The following SH3RF1 variants were observed in gnomAD, a reference collection of about 807,000 sequenced individuals.
The protein encoded by SH3RF1 is SH3 domain containing ring finger 1, also known as E3 ubiquitin-protein ligase SH3RF1.
Under a neutral mutation model 74.0 loss-of-function variants are expected in SH3RF1, and 32 were observed. That is an observed-to-expected ratio of 0.43 (90% CI 0.33 to 0.58). The LOEUF (loss-of-function observed/expected upper bound fraction) is 0.58. Ranked by LOEUF, SH3RF1 falls within the 20% of genes least tolerant of loss-of-function variation. The pLI, the probability that SH3RF1 is intolerant of heterozygous loss-of-function variation, is 0.05. For synonymous variants in SH3RF1, 396 were observed against 439.6 expected (o/e 0.90, Z 1.24); for missense variants, 954 against 1,130.9 (o/e 0.84, Z 2.24).
At chr4:169,190,880 A>G (rs1734693754) in intron 2 of SH3RF1, among the ~76,000 whole-genome samples, 1 of 152,262 alleles carries the variant, frequency 6.6e-6, no homozygotes, top group South Asian at 2.1e-4. Context: ...CACCATGATC[A>G]AGTGGGTTTC....
At position 169,269,063 on chromosome 4, in the gene SH3RF1, G is replaced by A. The variant is rs1449250352; in HGVS notation, c.150C>T (p.Pro50=). Residue 50 remains proline, a synonymous_variant, in exon 2 of 12, where the codon CCC becomes CCT. Coordinates refer to ENST00000284637, the MANE Select transcript of SH3RF1 (RefSeq NM_020870.4). ...CCGAGCCAACAAGAGTCCTGCACTC[G>A]GGACATCTGAGTTCATTTCGAGAAC... ...IVGSRNELRC[P]ECRTLVGSGV... The A allele has an allele frequency of 1.2e-6, 2 of 1,614,000 alleles. No individual in the cohort carries two copies. Among genetic ancestry groups the A allele is most frequent in the South Asian group, 1.1e-5 (1 of 91,084 alleles).
At chr4:169,230,887 C>T (rs1253484108) in intron 2 of SH3RF1, among the ~76,000 whole-genome samples, 1 of 151,786 alleles carries the variant, frequency 6.6e-6, no homozygotes, top group African/African-American at 2.4e-5. Flanking sequence ...TTACTGAGTC[C>T]CCCTCTAAAA....
chr4:169,174,023 T>C (rs1156696654), intron 2 of SH3RF1, among the ~76,000 whole-genome samples: 1 of 147,160 alleles, frequency 6.8e-6, no homozygotes, highest in Non-Finnish European at 1.5e-5. Flanking sequence ...ATATGGTGAC[T>C]GAATTCATAC....
chr4:169,143,214 AT>A (rs1733814618), intron 4 of SH3RF1, among the ~76,000 whole-genome samples: 1 of 152,226 alleles, frequency 6.6e-6, no homozygotes, highest in Admixed American at 6.5e-5. Flanking sequence ...TGGTAGCCAC[AT>A]TTTAAAAGAC....
chr4:169,236,363 A>T (rs1428203134), intron 2 of SH3RF1, among the ~76,000 whole-genome samples: 1 of 152,088 alleles, frequency 6.6e-6, no homozygotes, highest in Non-Finnish European at 1.5e-5. Context: ...TCTCTGAGTG[A>T]CTCTAATGAC....
intron 4 of SH3RF1, among the ~76,000 whole-genome samples, chr4:169,141,440 A>G (rs1733785295): frequency 1.3e-5 from 2 of 152,326 alleles, no homozygotes; most frequent in East Asian, 3.9e-4. Flanking sequence ...AACTCCTAAA[A>G]GTAGAATTTG....
intron 4 of SH3RF1, among the ~76,000 whole-genome samples, chr4:169,146,583 C>T (rs1733898985): frequency 6.6e-6 from 1 of 151,946 alleles, no homozygotes; most frequent in Admixed American, 6.6e-5. Context: ...GACAAAATGA[C>T]AAAAACAAGA....
chr4:169,201,913 G>C (rs548075858), intron 2 of SH3RF1: 1 of 152,232 alleles, frequency 6.6e-6, no homozygotes, highest in East Asian at 1.9e-4. Flanking sequence ...AAACTGCAAG[G>C]ACCTGTACCA....
In SH3RF1 at chr4:169,156,589, T is replaced by C. The variant is rs759126393; in HGVS notation, c.484A>G (p.Ile162Val). 12 of 1,614,074 alleles carry C rather than the reference T, an allele frequency of 7.4e-6. No individual in the cohort carries two copies. Among genetic ancestry groups the C allele is most frequent in the Middle Eastern group, 1.6e-4 (1 of 6,062 alleles). ...TTTTCATCCACTTGTCTTCGCAAAATGATGATGTCACCTTTGCTGAATTTA... is the reference window on the plus strand; with the variant it reads ...TTTTCATCCACTTGTCTTCGCAAAACGATGATGTCACCTTTGCTGAATTTA... ...DLKFSKGDIIILRRQVDENWY... is the reference protein window; with the variant it reads ...DLKFSKGDIIVLRRQVDENWY... The change falls in exon 3 of 12, where the codon ATT (isoleucine) becomes GTT (valine). Residue 162 changes from isoleucine (I) to valine (V), a missense_variant. Coordinates refer to ENST00000284637, the MANE Select transcript of SH3RF1 (RefSeq NM_020870.4).
In SH3RF1 at chr4:169,096,644, G is replaced by C. The variant is rs376565444; in HGVS notation, c.2542C>G (p.Leu848Val). Residue 848 changes from leucine to valine, a missense_variant, in exon 12 of 12, where the codon CTT (leucine) becomes GTT (valine). Physicochemically the swap from Leu to Val is conservative, Grantham distance 32. Coordinates refer to ENST00000284637, the MANE Select transcript of SH3RF1 (RefSeq NM_020870.4). ...ACAATATCTCCTTCTTTAAGTTCAA[G>C]TTCTGCCTCACTCTGAGGAGGATAG... ...VSYPPQSEAELELKEGDIVFV... is the reference protein window; with the variant it reads ...VSYPPQSEAEVELKEGDIVFV... 5 of 1,613,980 alleles carry C rather than the reference G, an allele frequency of 3.1e-6. No homozygotes were observed. In the African/African-American group the frequency reaches 5.3e-5, roughly 17 times the overall value.
At position 169,094,670 on chromosome 4, in the gene SH3RF1, C is replaced by T. The variant is rs1026218069; in HGVS notation, c.*1849G>A. On this transcript the variant is annotated 3_prime_UTR_variant, in exon 12 of 12. Transcript: ENST00000284637. Reference sequence around the variant, plus strand: ...TTACACAGATGAAAGCTGATGCCAGCTTTTTCCTAACTAAAGTTCATTTCA... The same window carrying T: ...TTACACAGATGAAAGCTGATGCCAGTTTTTTCCTAACTAAAGTTCATTTCA... The T allele has an allele frequency of 6.6e-6, 1 of 152,094 alleles. No homozygotes were observed. The highest frequency in any genetic ancestry group is 2.1e-4 in the South Asian group (1 of 4,832). The allele number at this position is 152,094 out of a possible 1,614,324, so 9.4% of individuals were successfully genotyped here. A position where few individuals can be genotyped will look rare whatever the true frequency, so the allele number is the denominator to read the frequency against.
intron 10 of SH3RF1, among the ~76,000 whole-genome samples, chr4:169,109,962 T>C (rs112043424): frequency 2.0e-5 from 3 of 149,002 alleles, no homozygotes; most frequent in African/African-American, 7.5e-5. Flanking sequence ...CAGTGAGCTA[T>C]GACCATGCCA....
chr4:169,136,690 C>T, intron 4 of SH3RF1, 70 bp from the exon 5 acceptor site: 7 of 1,430,422 alleles, frequency 4.9e-6, no homozygotes, highest in Non-Finnish European at 6.5e-6. Flanking sequence ...AGGTTTATTT[C>T]CAACATGATT....
At chr4:169,254,448 A>T (rs182050679) in intron 2 of SH3RF1, among the ~76,000 whole-genome samples, 1 of 152,362 alleles carries the variant, frequency 6.6e-6, no homozygotes, top group Admixed American at 6.5e-5. Flanking sequence ...TATCCATATG[A>T]TCACAAATAT....
chr4:169,240,222 G>C (rs1730885980), intron 2 of SH3RF1, among the ~76,000 whole-genome samples: 1 of 151,212 alleles, frequency 6.6e-6, no homozygotes, highest in African/African-American at 2.4e-5. Flanking sequence ...TTTGAGACAG[G>C]GTCTCACTCT....
intron 7 of SH3RF1, among the ~76,000 whole-genome samples, chr4:169,121,714 C>G (rs181632246): frequency 3.3e-4 from 51 of 152,302 alleles, no homozygotes; most frequent in African/African-American, 1.1e-3. Context: ...ACAGGATAAA[C>G]TTTTCTGGAT....
intron 5 of SH3RF1, among the ~76,000 whole-genome samples, chr4:169,132,991 A>G (rs901790562): frequency 6.6e-6 from 1 of 152,174 alleles, no homozygotes; most frequent in African/African-American, 2.4e-5. Context: ...GCCATCACTC[A>G]ATAGTCACTA....
intron 4 of SH3RF1, among the ~76,000 whole-genome samples, chr4:169,150,376 T>C (rs1030884118): frequency 2.0e-5 from 3 of 152,174 alleles, no homozygotes; most frequent in African/African-American, 4.8e-5. Flanking sequence ...ATTGACAAAA[T>C]TGTATATCTT....
intron 2 of SH3RF1, among the ~76,000 whole-genome samples, chr4:169,177,225 T>G (rs2706731): frequency 0.58 from 88,011 of 152,076 alleles, 26,818 homozygotes; most frequent in East Asian, 0.78. Flanking sequence ...CACACACAGC[T>G]GCCTGGTAAA....
Sources: allele counts gnomAD v4.1 joint callset (sites outside exome capture counted in the v4.1 genomes callset), GRCh38; gene constraint gnomAD v4.1.1; transcripts MANE v1.5; gene names NCBI Gene and HGNC (gene_info 2026-07-23, HGNC 2026-07-21).